Variants in SHPRH observed in about 807,000 individuals in gnomAD.
SHPRH encodes E3 ubiquitin-protein ligase SHPRH.
Under a neutral mutation model 202.5 loss-of-function variants are expected in SHPRH, and 106 were observed. That is an observed-to-expected ratio of 0.52 (90% CI 0.45 to 0.62). The LOEUF (loss-of-function observed/expected upper bound fraction) is 0.62, where lower values mean the gene tolerates loss of function less well. Ranked by LOEUF, SHPRH falls within the 20% of genes least tolerant of loss-of-function variation. The probability of loss-of-function intolerance (pLI) is 0.00; values close to 1 mark genes in which losing one functional copy is unlikely to be tolerated. For missense variants in SHPRH, 1,710 were observed against 2,020.0 expected (o/e 0.85, Z 2.94); for synonymous variants, 729 against 686.0 (o/e 1.06, Z -0.98).
intron 23 of SHPRH, among the ~76,000 whole-genome samples, chr6:145,914,435 A>C (rs1318900587): frequency 6.6e-6 from 1 of 152,200 alleles, no homozygotes; most frequent in African/African-American, 2.4e-5. Context: ...TGGTGAGATT[A>C]TAAATATTTT....
At chr6:145,919,889 G>T (rs1355668422) in intron 21 of SHPRH, among the ~76,000 whole-genome samples, 1 of 152,036 alleles carries the variant, frequency 6.6e-6, no homozygotes, top group Admixed American at 6.6e-5. Flanking sequence ...ATTGAAGAAA[G>T]AATAATATGA....
intron 28 of SHPRH, 114 bp downstream of exon 28, chr6:145,893,101 A>G: frequency 4.1e-6 from 3 of 736,598 alleles, no homozygotes; most frequent in Non-Finnish European, 5.7e-6. Context: ...GTAGTATCTA[A>G]GGAAGTAATT....
chr6:145,866,430 TG>T (rs1402807637), intron 2 of SHPRH, among the ~76,000 whole-genome samples: 1 of 152,236 alleles, frequency 6.6e-6, no homozygotes, highest in East Asian at 1.9e-4. Context: ...TATAATTAAC[TG>T]GATTGAAATG....
At chr6:145,929,596 A>T (rs1785224495) in intron 14 of SHPRH, among the ~76,000 whole-genome samples, 2 of 152,036 alleles carry the variant, frequency 1.3e-5, no homozygotes, top group South Asian at 4.1e-4. Context: ...AAAAGCAGCA[A>T]ATCTATTACA....
chr6:145,962,442 G>T (rs189354395), intron 1 of SHPRH, among the ~76,000 whole-genome samples: 1 of 152,144 alleles, frequency 6.6e-6, no homozygotes, highest in Non-Finnish European at 1.5e-5. Context: ...CATTCTAGAA[G>T]ACTATAGGTA....
rs1356906333 is a variant in SHPRH, at chr6:145,947,601, A to G, written c.1104T>C (p.Gly368=). The G allele has an allele frequency of 1.2e-6, 2 of 1,612,690 alleles. No homozygotes were observed. Among genetic ancestry groups the G allele is most frequent in the Non-Finnish European group, 1.7e-6 (2 of 1,179,248 alleles). Residue 368 remains glycine, a synonymous_variant, in exon 6 of 30, where the codon GGT becomes GGC. Coordinates refer to ENST00000275233, the MANE Select transcript of SHPRH (RefSeq NM_001042683.3). ...GACCCATCTCATCTGCTAAAATTCC[A>G]CCAAGCAACTGCGGCCCAGAATTTG... The part of the protein sequence containing the change: ...EYPNSGPQLL[G]GILADEMGLG...
chr6:145,899,137 A>G (rs768863245), intron 25 of SHPRH, among the ~76,000 whole-genome samples: 1 of 152,104 alleles, frequency 6.6e-6, no homozygotes, highest in East Asian at 1.9e-4. Context: ...TTTATAAATT[A>G]CCCAGCCTCA....
intron 25 of SHPRH, among the ~76,000 whole-genome samples, chr6:145,895,340 C>T (rs935883638): frequency 1.2e-4 from 19 of 152,014 alleles, no homozygotes; most frequent in South Asian, 6.2e-4. Flanking sequence ...TTTATTCTCC[C>T]TTTCTTCAGA....
At chr6:145,941,164 G>C (rs1031200938) in intron 10 of SHPRH, among the ~76,000 whole-genome samples, 1 of 152,118 alleles carries the variant, frequency 6.6e-6, no homozygotes, top group Non-Finnish European at 1.5e-5. Context: ...ACTGGCCAAA[G>C]ACAACAGAAT....
chr6:145,922,326 C>A lies in SHPRH; in HGVS notation c.3742G>T (p.Glu1248Ter). 6.4e-7 allele frequency: 1 copy of A among 1,562,954 alleles called. No homozygotes were observed. Among genetic ancestry groups the A allele is most frequent in the Non-Finnish European group, 8.6e-7 (1 of 1,164,438 alleles). The stretch of plus-strand genomic sequence containing the variant: ...TTTGATTCATACTCTGTGAACAATT[C>A]ATCAGCTTTACAAAAGACACAGCTG... ...LNCCVFCKAD[E>*]LFTEYESKLF... Residue 1248 changes from glutamate to a stop codon, truncating the protein, a stop_gained, in exon 20 of 30, where the codon GAA becomes TAA. Coordinates refer to ENST00000275233, the MANE Select transcript of SHPRH (RefSeq NM_001042683.3). LOFTEE classifies it high-confidence loss of function.
chr6:145,892,773 G>A (rs1026022591), intron 28 of SHPRH, among the ~76,000 whole-genome samples: 7 of 151,958 alleles, frequency 4.6e-5, no homozygotes, highest in African/African-American at 1.7e-4. Context: ...CTAATGTTAA[G>A]AATTTTAAAA....
In SHPRH at chr6:145,940,098, T is replaced by C. The variant is rs118107410; in HGVS notation, c.2569+625A>G. 3.5e-4 allele frequency among the ~76,000 whole-genome samples: 53 copies of C among 152,304 alleles called. No homozygotes were observed. The East Asian group carries it at 8.1e-3, about 23-fold the overall frequency. On this transcript the variant is annotated intron_variant, in intron 11 of 29. Coordinates refer to ENST00000275233, the MANE Select transcript of SHPRH (RefSeq NM_001042683.3). ...ATGCAGTGTCCGTTCTACTGTGATA[T>C]TGAATAAGATTAAGGTAGAAGGATC...
In SHPRH at chr6:145,893,328, A is replaced by G. The variant is rs1472271483; in HGVS notation, c.4761T>C (p.Gly1587=). 2 of 1,605,324 alleles carry G rather than the reference A, an allele frequency of 1.2e-6. No individual in the cohort carries two copies. Among genetic ancestry groups the G allele is most frequent in the South Asian group, 1.1e-5 (1 of 89,632 alleles). Residue 1587 remains glycine (G), a synonymous_variant, in exon 28 of 30, where the codon GGT becomes GGC. Coordinates refer to ENST00000275233, the MANE Select transcript of SHPRH (RefSeq NM_001042683.3). ...INILLLPLHT[G]SNGLTIIEAT... ...CTTCAATGATAGTTAATCCATTAGA[A>G]CCTGTGTGCAGGGGCAGCAGCAAAA...
At chr6:145,907,154 C>T (rs978213487) in intron 25 of SHPRH, 20 of 152,148 alleles carry the variant, frequency 1.3e-4, no homozygotes, top group South Asian at 2.1e-4. Context: ...TAAATGTATT[C>T]CTCTTCCAAA....
chr6:145,866,925 A>G (rs1309749707), intron 2 of SHPRH, among the ~76,000 whole-genome samples: 1 of 131,330 alleles, frequency 7.6e-6, no homozygotes, highest in Non-Finnish European at 1.5e-5. Flanking sequence ...GAGAGGGGAC[A>G]GGGGCAACAT....
chr6:145,950,423 C>CGTCAAT lies in SHPRH; in HGVS notation c.817_822dup (p.Ile273_Asp274dup), dbSNP rs1307903501. On this transcript the variant is annotated inframe_insertion, in exon 4 of 30. Coordinates refer to ENST00000275233, the MANE Select transcript of SHPRH (RefSeq NM_001042683.3). Reference sequence around the variant, plus strand: ...GTTTGTTTCACAAAGTGATACAGCTCGTCAATGTCTTGTCCCTCTGGCTCA... The same window carrying CGTCAAT: ...GTTTGTTTCACAAAGTGATACAGCTCGTCAATGTCAATGTCTTGTCCCTCTGGCTCA... 10 of 1,613,094 alleles carry CGTCAAT rather than the reference C, an allele frequency of 6.2e-6. No individual in the cohort carries two copies. The Admixed American group carries it at 1.7e-4, about 27-fold the overall frequency.
intron 16 of SHPRH, among the ~76,000 whole-genome samples, chr6:145,925,690 CTATTAACAATTTATAGT>C (rs1313267408): frequency 2.0e-5 from 3 of 151,876 alleles, no homozygotes; most frequent in African/African-American, 4.8e-5. Flanking sequence ...GCATAATAAG[CTATTAACAATTTATAGT>C]AAAATAATTT....
intron 28 of SHPRH, 136 bp downstream of exon 28, chr6:145,893,076 AAAT>A (rs1781706365): frequency 1.9e-6 from 1 of 540,232 alleles, no homozygotes; most frequent in East Asian, 3.9e-5. Context: ...GTTATAAAAT[AAAT>A]AATTAAAAAA....
chr6:145,946,156 G>C, intron 7 of SHPRH, 77 bp downstream of exon 7: 1 of 1,011,098 alleles, frequency 9.9e-7, no homozygotes, highest in South Asian at 1.9e-5. Flanking sequence ...ACAATTACAA[G>C]ATATCTCTAA....
Sources: allele counts gnomAD v4.1 joint callset (sites outside exome capture counted in the v4.1 genomes callset), GRCh38; gene constraint gnomAD v4.1.1; transcripts MANE v1.5; gene names NCBI Gene and HGNC (gene_info 2026-07-23, HGNC 2026-07-21).